ROBO2: variants seen among roughly 807,000 people sequenced by gnomAD.
ROBO2 encodes the protein roundabout homolog 2.
ROBO2 carries 53 observed loss-of-function variants against 160.8 expected under a neutral mutation model. That is an observed-to-expected ratio of 0.33 (90% CI 0.26 to 0.41). The LOEUF (loss-of-function observed/expected upper bound fraction) is 0.41, where lower values mean the gene tolerates loss of function less well. Ranked by LOEUF, ROBO2 falls within the 10% of genes least tolerant of loss-of-function variation. ROBO2 has a pLI of 1.00. For synonymous variants in ROBO2, 664 were observed against 611.7 expected (o/e 1.09, Z -1.26); for missense variants, 1,577 against 1,722.4 (o/e 0.92, Z 1.49).
At chr3:76,666,663 T>G (rs2092059413) in intron 2 of ROBO2, among the ~76,000 whole-genome samples, 1 of 152,086 alleles carries the variant, frequency 6.6e-6, no homozygotes, top group Non-Finnish European at 1.5e-5. Context: ...TCACATCTAA[T>G]ATCTCATCCC....
intron 2 of ROBO2, among the ~76,000 whole-genome samples, chr3:76,503,019 T>C (rs561774230): frequency 0.012 from 1,670 of 142,408 alleles, 25 homozygotes; most frequent in African/African-American, 0.045. Flanking sequence ...TGTGTGTGTG[T>C]GCGCGCGCAC....
Position 77,520,153 on chromosome 3 carries a change from T to C in ROBO2, c.807-2622T>C, listed in dbSNP as rs1274306837. ...TGAAGTAAAATTTTGTCATATGCTA[T>C]AACTAAATATTTGCTGAATATGAAA... is the stretch of plus-strand genomic sequence containing the variant. On this transcript the variant is annotated intron_variant, in intron 5 of 25. Coordinates refer to ENST00000461745, the Ensembl canonical transcript of ROBO2. Among the ~76,000 whole-genome samples, 4 of 151,382 alleles carry C rather than the reference T, an allele frequency of 2.6e-5. No individual in the cohort carries two copies. The South Asian group carries it at 6.2e-4, about 24-fold the overall frequency.
chr3:76,676,183 C>T (rs756274916), intron 2 of ROBO2, among the ~76,000 whole-genome samples: 2 of 151,986 alleles, frequency 1.3e-5, no homozygotes, highest in African/African-American at 4.8e-5. Context: ...ATAATCCCCA[C>T]GTGTTGGGGG....
chr3:77,221,837 C>CTTTCCT (rs2085841544), intron 2 of ROBO2, among the ~76,000 whole-genome samples: 1 of 146,206 alleles, frequency 6.8e-6, no homozygotes, highest in Non-Finnish European at 1.5e-5. Context: ...TTTCTTTTTT[C>CTTTCCT]TTTTCTTTTT....
intron 2 of ROBO2, among the ~76,000 whole-genome samples, chr3:76,062,380 A>T (rs1011636792): frequency 2.0e-5 from 3 of 152,030 alleles, no homozygotes; most frequent in African/African-American, 7.2e-5. Flanking sequence ...CTGTCCGACT[A>T]CTTCACTAAT....
chr3:76,893,864 G>A (rs2074551840), intron 2 of ROBO2, among the ~76,000 whole-genome samples: 1 of 151,920 alleles, frequency 6.6e-6, no homozygotes, highest in African/African-American at 2.4e-5. Flanking sequence ...CTATCATTCT[G>A]CTCTTTACCT....
chr3:76,504,653 C>T (rs572250962), intron 2 of ROBO2, among the ~76,000 whole-genome samples: 267 of 150,616 alleles, frequency 1.8e-3, no homozygotes, highest in African/African-American at 5.8e-3. Context: ...CTCAGCCTCC[C>T]GAGTAGCTGG....
At chr3:77,419,651 G>C (rs1326630531) in intron 2 of ROBO2, among the ~76,000 whole-genome samples, 2 of 152,100 alleles carry the variant, frequency 1.3e-5, no homozygotes, top group Non-Finnish European at 2.9e-5. Context: ...TACTTACTAT[G>C]AGAGTAAATA....
chr3:76,752,979 A>G (rs1228230548), intron 2 of ROBO2, among the ~76,000 whole-genome samples: 1 of 151,946 alleles, frequency 6.6e-6, no homozygotes, highest in Non-Finnish European at 1.5e-5. Context: ...TGACCCAATT[A>G]AACAAATATG....
intron 24 of ROBO2, among the ~76,000 whole-genome samples, chr3:77,638,695 A>C (rs1378541986): frequency 6.6e-6 from 1 of 152,138 alleles, no homozygotes; most frequent in Non-Finnish European, 1.5e-5. Flanking sequence ...CATTTGTCTT[A>C]TAAATCAAAG....
chr3:76,918,719 G>A (rs1455317612), intron 2 of ROBO2, among the ~76,000 whole-genome samples: 3 of 152,100 alleles, frequency 2.0e-5, no homozygotes, highest in Non-Finnish European at 2.9e-5. Context: ...GTCATCAAGT[G>A]GTATTTCCAG....
At chr3:77,006,305 T>TTGTGTGTGTGTGTGTGTG (rs60754546) in intron 2 of ROBO2, among the ~76,000 whole-genome samples, 11 of 143,876 alleles carry the variant, frequency 7.6e-5, no homozygotes, top group Admixed American at 1.4e-4. Context: ...ATTTTAATAT[T>TTGTGTGTGTGTGTGTGTG]TGTGTGTGTG....
intron 2 of ROBO2, among the ~76,000 whole-genome samples, chr3:76,050,845 A>T (rs986707857): frequency 6.6e-6 from 1 of 152,222 alleles, no homozygotes; most frequent in Non-Finnish European, 1.5e-5. Flanking sequence ...TATTGCTGTG[A>T]TGCTTTTTGA....
At chr3:76,669,191 G>A (rs966256746) in intron 2 of ROBO2, among the ~76,000 whole-genome samples, 1 of 152,056 alleles carries the variant, frequency 6.6e-6, no homozygotes, top group South Asian at 2.1e-4. Context: ...CACTCAGTCC[G>A]ATCAAAACTG....
At chr3:76,723,502 C>T (rs2093497697) in intron 2 of ROBO2, among the ~76,000 whole-genome samples, 1 of 152,084 alleles carries the variant, frequency 6.6e-6, no homozygotes, top group African/African-American at 2.4e-5. Flanking sequence ...ACACAGTTTC[C>T]TTACTGTCTC....
At chr3:75,962,233 C>G (rs567165669) in intron 2 of ROBO2, among the ~76,000 whole-genome samples, 19 of 151,816 alleles carry the variant, frequency 1.3e-4, no homozygotes, top group African/African-American at 4.1e-4. Flanking sequence ...TCTGACTTTT[C>G]ATCAGAAACA....
intron 2 of ROBO2, among the ~76,000 whole-genome samples, chr3:76,972,149 C>T (rs1361274608): frequency 6.6e-6 from 1 of 152,046 alleles, no homozygotes; most frequent in African/African-American, 2.4e-5. Flanking sequence ...TAGGAACTCT[C>T]TTTCTTACTC....
chr3:77,531,477 C>T (rs1466735516), intron 6 of ROBO2, among the ~76,000 whole-genome samples: 3 of 150,478 alleles, frequency 2.0e-5, no homozygotes, highest in Non-Finnish European at 4.4e-5. Context: ...TTTTATGAGT[C>T]GAAGCAAAGT....
At chr3:77,541,965 A>C (rs1423884150) in intron 6 of ROBO2, among the ~76,000 whole-genome samples, 2 of 151,908 alleles carry the variant, frequency 1.3e-5, no homozygotes, top group Non-Finnish European at 1.5e-5. Flanking sequence ...TTTAATACTT[A>C]ATGGGAGTCA....
Sources: allele counts gnomAD v4.1 joint callset (sites outside exome capture counted in the v4.1 genomes callset), GRCh38; gene constraint gnomAD v4.1.1; transcripts MANE v1.5; gene names NCBI Gene and HGNC (gene_info 2026-07-23, HGNC 2026-07-21).